The following FGF13 variants were observed in gnomAD, a reference collection of about 807,000 sequenced individuals.
FGF13 encodes fibroblast growth factor 13.
A neutral mutation model predicts 19.5 loss-of-function variants in FGF13; 2 were observed. The observed-to-expected ratio is 0.10, with a 90% confidence interval of 0.04 to 0.32. The LOEUF is 0.32. FGF13 is among the 10% of genes least tolerant of loss of function. The probability of loss-of-function intolerance (pLI) is 1.00; values close to 1 mark genes in which losing one functional copy is unlikely to be tolerated. For missense variants in FGF13, 113 were observed against 192.7 expected (o/e 0.59, Z 2.45); for synonymous variants, 72 against 76.9 (o/e 0.94, Z 0.33).
chrX:139,048,106 G>T (rs755822837), intron 1 of FGF13, among the ~76,000 whole-genome samples: 10 of 110,687 alleles, frequency 9.0e-5, no homozygotes, highest in African/African-American at 3.3e-4. Context: ...TTTTTATACC[G>T]TTTTCTAATA....
intron 1 of FGF13, among the ~76,000 whole-genome samples, chrX:139,158,978 C>T (rs1326933091): frequency 2.7e-5 from 3 of 111,446 alleles, no homozygotes; most frequent in South Asian, 3.8e-4. Context: ...ATACAGAGAA[C>T]ACCATAAAGA....
chrX:138,774,452 T>G (rs1451990948), intron 3 of FGF13, among the ~76,000 whole-genome samples: 2 of 111,660 alleles, frequency 1.8e-5, no homozygotes, highest in African/African-American at 6.5e-5. Flanking sequence ...AACTGAGGAA[T>G]AGAAAAGCAT....
At chrX:139,180,123 C>T (rs1314214303) in intron 1 of FGF13, among the ~76,000 whole-genome samples, 2 of 112,505 alleles carry the variant, frequency 1.8e-5, no homozygotes, top group Non-Finnish European at 3.8e-5. Flanking sequence ...AATTTCCACT[C>T]ACCTACTGCT....
chrX:138,908,936 T>G (rs991448864), intron 1 of FGF13, among the ~76,000 whole-genome samples: 1 of 112,177 alleles, frequency 8.9e-6, no homozygotes, highest in African/African-American at 3.2e-5. Context: ...CAGAACATAG[T>G]ACATCAATTA....
At chrX:139,171,920 G>T (rs1449122125) in intron 1 of FGF13, among the ~76,000 whole-genome samples, 1 of 111,837 alleles carries the variant, frequency 8.9e-6, no homozygotes, top group African/African-American at 3.2e-5. Context: ...CAAGAGTAAA[G>T]GATGTCCATT....
intron 3 of FGF13, among the ~76,000 whole-genome samples, chrX:138,759,258 T>C (rs1303475420): frequency 8.9e-6 from 1 of 112,287 alleles, no homozygotes; most frequent in Non-Finnish European, 1.9e-5. Context: ...CTGCAATAGA[T>C]TGGGAACACT....
rs186984382 is a variant in FGF13 at position 138,885,780 on chromosome X, A to G, written c.-112-21130T>C. On this transcript the variant is annotated intron_variant, in intron 1 of 2. Coordinates refer to the FGF13 transcript ENST00000421460. Reference sequence around the variant, plus strand: ...CAGGGCATGAATTTTCATCTTTATTATTATTCTTCACCAATGTATCTCCAG... The same window carrying G: ...CAGGGCATGAATTTTCATCTTTATTGTTATTCTTCACCAATGTATCTCCAG... Among the ~76,000 whole-genome samples, 393 of 108,752 alleles carry G rather than the reference A, an allele frequency of 3.6e-3. 1 individual carries two copies. Among genetic ancestry groups the G allele is most frequent in the African/African-American group, 0.012 (352 of 29,802 alleles). 94.4% of individuals were successfully genotyped at this position (108,752 alleles called of 115,157 possible).
At chrX:138,984,623 AGAGGAGGAG>A (rs200099451) in intron 1 of FGF13, among the ~76,000 whole-genome samples, 1 of 23,798 alleles carries the variant, frequency 4.2e-5, no homozygotes, top group Admixed American at 4.4e-4. Context: ...AGGATGAGGA[AGAGGAGGAG>A]GAGGAGGAGG....
intron 1 of FGF13, among the ~76,000 whole-genome samples, chrX:138,955,163 G>C (rs1171704600): frequency 8.8e-6 from 1 of 113,009 alleles, no homozygotes. Context: ...GACACACTCA[G>C]GTCCTGAGTC....
intron 1 of FGF13, among the ~76,000 whole-genome samples, chrX:139,106,170 A>C (rs1359007723): frequency 8.9e-6 from 1 of 112,143 alleles, no homozygotes; most frequent in Non-Finnish European, 1.9e-5. Flanking sequence ...TCCCATGTAC[A>C]TGACAGGCAT....
intron 1 of FGF13, among the ~76,000 whole-genome samples, chrX:138,961,379 C>A (rs1423980649): frequency 9.0e-6 from 1 of 111,270 alleles, no homozygotes; most frequent in Non-Finnish European, 1.9e-5. Flanking sequence ...ACGATCCTTC[C>A]TCTGGTAGCT....
chrX:139,041,985 T>C (rs957276350), intron 1 of FGF13, among the ~76,000 whole-genome samples: 1 of 112,410 alleles, frequency 8.9e-6, no homozygotes, highest in Non-Finnish European at 1.9e-5. Context: ...TAGCCTGTCA[T>C]GGAGAGAAAG....
At chrX:138,722,852 A>T (rs2090157011) in intron 1 of FGF13, among the ~76,000 whole-genome samples, 1 of 111,629 alleles carries the variant, frequency 9.0e-6, no homozygotes. Flanking sequence ...ATTATGGCCA[A>T]CTAACAGGAA....
intron 1 of FGF13, among the ~76,000 whole-genome samples, chrX:139,158,254 A>G (rs1331192054): frequency 1.8e-4 from 20 of 108,848 alleles, no homozygotes; most frequent in Non-Finnish European, 2.7e-4. Context: ...AACACCAGAG[A>G]GAGAAAACCG....
chrX:139,017,339 G>GTATATATATATATATA (rs34651307), intron 1 of FGF13, among the ~76,000 whole-genome samples: 26 of 100,219 alleles, frequency 2.6e-4, no homozygotes, highest in African/African-American at 8.9e-4. Context: ...ATACATGTAT[G>GTATATATATATATATA]TATATATATA....
chrX:138,985,059 C>T, intron 1 of FGF13: 1 of 372,830 alleles, frequency 2.7e-6, no homozygotes, highest in Non-Finnish European at 5.4e-6. Flanking sequence ...ATGATGCATC[C>T]CTACTTTTTT....
intron 3 of FGF13, among the ~76,000 whole-genome samples, chrX:138,820,373 G>A (rs2090991012): frequency 8.9e-6 from 1 of 111,733 alleles, no homozygotes; most frequent in Non-Finnish European, 1.9e-5. Flanking sequence ...TAGCACTGAG[G>A]ATGCATAAGA....
intron 1 of FGF13, among the ~76,000 whole-genome samples, chrX:138,936,376 A>T (rs2091731137): frequency 1.8e-5 from 2 of 112,467 alleles, no homozygotes; most frequent in African/African-American, 6.5e-5. Context: ...CTTCATTGTG[A>T]CTATCTGGAG....
chrX:138,932,217 G>C (rs1384113708), intron 1 of FGF13, among the ~76,000 whole-genome samples: 1 of 112,047 alleles, frequency 8.9e-6, no homozygotes, highest in African/African-American at 3.2e-5. Flanking sequence ...GAAGAGCTTA[G>C]TACCATTTGC....
Sources: gnomAD v4.1 joint callset for allele counts (sites outside exome capture counted in the v4.1 genomes callset) on GRCh38, gnomAD v4.1.1 for gene constraint, MANE v1.5 for transcripts, NCBI Gene and HGNC (gene_info 2026-07-23, HGNC 2026-07-21) for gene names.